The following RAD18 variants were observed in gnomAD, a reference collection of about 807,000 sequenced individuals.
RAD18 encodes E3 ubiquitin-protein ligase RAD18.
Under a neutral mutation model 60.4 loss-of-function variants are expected in RAD18, and 47 were observed. The observed-to-expected ratio is 0.78, with a 90% CI of 0.62 to 0.99. The LOEUF is 0.99. Among genes scored for constraint, RAD18 ranks in the 50% least tolerant of loss-of-function variants. The probability of loss-of-function intolerance (pLI) is 0.00; values close to 1 mark genes in which losing one functional copy is unlikely to be tolerated. For synonymous variants in RAD18, 225 were observed against 195.5 expected (o/e 1.15, Z -1.26); for missense variants, 640 against 593.3 (o/e 1.08, Z -0.82).
chr3:8,915,738 C>T (rs1157367020), intron 7 of RAD18, among the ~76,000 whole-genome samples: 2 of 152,078 alleles, frequency 1.3e-5, no homozygotes, highest in African/African-American at 4.8e-5. Flanking sequence ...TGCCTGCCAC[C>T]ACGCTCAGCT....
At chr3:8,882,790 A>G (rs1939493592) in intron 12 of RAD18, among the ~76,000 whole-genome samples, 1 of 152,240 alleles carries the variant, frequency 6.6e-6, no homozygotes, top group Admixed American at 6.5e-5. Context: ...ACTGAAGGTC[A>G]CATTAGTCAC....
chr3:8,920,668 A>T (rs59444834), intron 7 of RAD18, among the ~76,000 whole-genome samples: 92,385 of 151,562 alleles, frequency 0.61, 30,357 homozygotes, highest in Middle Eastern at 0.73. Context: ...CATCACTTAT[A>T]TAGTATTCTG....
At chr3:8,927,131 A>C (rs538708522) in intron 7 of RAD18, among the ~76,000 whole-genome samples, 3 of 152,372 alleles carry the variant, frequency 2.0e-5, no homozygotes, top group East Asian at 1.9e-4. Flanking sequence ...CAACCTACAG[A>C]ATGGGAGAAA....
At chr3:8,892,640 CTT>C (rs993557836) in intron 11 of RAD18, among the ~76,000 whole-genome samples, 2 of 152,172 alleles carry the variant, frequency 1.3e-5, no homozygotes, top group African/African-American at 4.8e-5. Flanking sequence ...ATATCTCACT[CTT>C]GTCATTCTCT....
intron 7 of RAD18, among the ~76,000 whole-genome samples, chr3:8,932,878 A>G (rs983716566): frequency 2.0e-5 from 3 of 152,152 alleles, no homozygotes; most frequent in African/African-American, 4.8e-5. Context: ...CGGGCAGATC[A>G]CAAGGTCAGG....
chr3:8,950,241 G>A (rs992699319), intron 2 of RAD18, among the ~76,000 whole-genome samples: 2 of 152,070 alleles, frequency 1.3e-5, no homozygotes, highest in African/African-American at 4.8e-5. Context: ...TCGCCATATT[G>A]GCCAGGCTGG....
At chr3:8,915,110 C>T (rs1426803281) in intron 7 of RAD18, among the ~76,000 whole-genome samples, 1 of 138,970 alleles carries the variant, frequency 7.2e-6, no homozygotes, top group South Asian at 2.3e-4. Flanking sequence ...GATGGCACCA[C>T]TGCACTCCAG....
intron 11 of RAD18, among the ~76,000 whole-genome samples, chr3:8,896,226 A>T (rs940122653): frequency 1.3e-5 from 2 of 152,230 alleles, no homozygotes; most frequent in Non-Finnish European, 2.9e-5. Context: ...GTACACTGAT[A>T]ATTTTTAACT....
At chr3:8,910,918 T>C (rs1412024050) in intron 9 of RAD18, among the ~76,000 whole-genome samples, 2 of 152,236 alleles carry the variant, frequency 1.3e-5, no homozygotes, top group Non-Finnish European at 2.9e-5. Context: ...TGATAGTTGT[T>C]ACCTCTAGGG....
chr3:8,905,674 C>T (rs1031530860), intron 9 of RAD18, among the ~76,000 whole-genome samples: 1 of 152,204 alleles, frequency 6.6e-6, no homozygotes, highest in African/African-American at 2.4e-5. Flanking sequence ...TAGCCCTGAA[C>T]TGACTAGTGA....
chr3:8,911,517 T>C (rs1332268326), intron 9 of RAD18, among the ~76,000 whole-genome samples: 2 of 152,196 alleles, frequency 1.3e-5, no homozygotes, highest in Non-Finnish European at 2.9e-5. Context: ...TGACTTTTGT[T>C]GTTCAGTCCA....
chr3:8,919,847 T>G (rs908640095), intron 7 of RAD18, among the ~76,000 whole-genome samples: 22 of 73,846 alleles, frequency 3.0e-4, no homozygotes, highest in African/African-American at 1.1e-3. Context: ...ATGAAAATAA[T>G]GGGGGTGTAT....
intron 6 of RAD18, among the ~76,000 whole-genome samples, chr3:8,936,573 C>T (rs1940656439): frequency 6.6e-6 from 1 of 152,128 alleles, no homozygotes; most frequent in Non-Finnish European, 1.5e-5. Context: ...AGCTTTATGG[C>T]AATTAGATGC....
intron 6 of RAD18, among the ~76,000 whole-genome samples, chr3:8,938,245 G>T (rs1940686650): frequency 6.6e-6 from 1 of 152,068 alleles, no homozygotes; most frequent in African/African-American, 2.4e-5. Flanking sequence ...ACTGCCCCAG[G>T]TTTGGACTCA....
At chr3:8,941,855 A>C in intron 4 of RAD18, 51 bp from the exon 5 acceptor site, 8 of 1,458,422 alleles carry the variant, frequency 5.5e-6, no homozygotes, top group Non-Finnish European at 7.5e-6. Context: ...ATTTTACATC[A>C]TAAATTAACT....
At chr3:8,952,218 C>G (rs1212507170) in intron 2 of RAD18, among the ~76,000 whole-genome samples, 1 of 152,166 alleles carries the variant, frequency 6.6e-6, no homozygotes, top group East Asian at 1.9e-4. Flanking sequence ...TATTCCAGTA[C>G]CAACTCTAAA....
At chr3:8,895,203 C>A (rs933706947) in intron 11 of RAD18, among the ~76,000 whole-genome samples, 1 of 151,348 alleles carries the variant, frequency 6.6e-6, no homozygotes, top group Non-Finnish European at 1.5e-5. Flanking sequence ...AATATTCCCA[C>A]AAAAAAGGCT....
chr3:8,909,518 T>TA (rs35804708), intron 9 of RAD18, among the ~76,000 whole-genome samples: 95,576 of 147,722 alleles, frequency 0.65, 31,149 homozygotes, highest in Middle Eastern at 0.73. Context: ...CATGGGCAGA[T>TA]AAAAAAAAAA....
At chr3:8,929,380 T>A (rs771965816) in intron 7 of RAD18, among the ~76,000 whole-genome samples, 1 of 151,984 alleles carries the variant, frequency 6.6e-6, no homozygotes, top group African/African-American at 2.4e-5. Context: ...ATTTTCAGTA[T>A]AGAAAATGAA....
Sources: allele counts gnomAD v4.1 joint callset (sites outside exome capture counted in the v4.1 genomes callset), GRCh38; gene constraint gnomAD v4.1.1; transcripts MANE v1.5; gene names NCBI Gene and HGNC (gene_info 2026-07-23, HGNC 2026-07-21).